ST8SIA6: variants seen among roughly 807,000 people sequenced by gnomAD.
ST8SIA6 encodes ST8 alpha-N-acetyl-neuraminide alpha-2,8-sialyltransferase 6, also known as alpha-2,8-sialyltransferase 8F.
A neutral mutation model predicts 33.6 loss-of-function variants in ST8SIA6; 39 were observed. That is an observed-to-expected ratio of 1.16 (90% CI 0.90 to 1.52). The LOEUF is 1.52. Among genes scored for constraint, ST8SIA6 ranks in the 40% most tolerant of loss-of-function variants. The pLI, the probability that ST8SIA6 is intolerant of heterozygous loss-of-function variation, is 0.00. For missense variants in ST8SIA6, 441 were observed against 443.8 expected (o/e 0.99, Z 0.06); for synonymous variants, 172 against 167.2 (o/e 1.03, Z -0.22).
At chr10:17,355,488 C>T (rs183786589) in intron 4 of ST8SIA6, among the ~76,000 whole-genome samples, 23 of 152,248 alleles carry the variant, frequency 1.5e-4, no homozygotes, top group Admixed American at 3.3e-4. Context: ...AAGATAATGC[C>T]ATGTCCCCAA....
At chr10:17,439,407 G>A (rs927055307) in intron 2 of ST8SIA6, among the ~76,000 whole-genome samples, 2 of 151,722 alleles carry the variant, frequency 1.3e-5, no homozygotes, top group African/African-American at 2.4e-5. Flanking sequence ...AGCCTCCCAA[G>A]TAGCTGGAAT....
At chr10:17,373,084 T>TA (rs1849787292) in intron 3 of ST8SIA6, among the ~76,000 whole-genome samples, 1 of 152,214 alleles carries the variant, frequency 6.6e-6, no homozygotes, top group Non-Finnish European at 1.5e-5. Flanking sequence ...ACACTCTTTC[T>TA]AAACTCCCTA....
intron 2 of ST8SIA6, among the ~76,000 whole-genome samples, chr10:17,394,703 T>A (rs1393506885): frequency 6.6e-6 from 1 of 152,200 alleles, no homozygotes; most frequent in Non-Finnish European, 1.5e-5. Flanking sequence ...AGAGACCTTC[T>A]CAATTCTGGG....
chr10:17,315,510 T>C lies in ST8SIA6; in HGVS notation c.*5368A>G, dbSNP rs1488203852. 1.3e-5 allele frequency among the ~76,000 whole-genome samples: 2 copies of C among 151,910 alleles called. No homozygotes were observed. Among genetic ancestry groups the C allele is most frequent in the African/African-American group, 2.4e-5 (1 of 41,416 alleles). ...AAATGAGCAGATAAGCCAACTGTGG[T>C]CCATCCATATAACATAATTCTACTC... On this transcript the variant is annotated 3_prime_UTR_variant, in exon 8 of 8. Coordinates refer to ENST00000377602, the MANE Select transcript of ST8SIA6 (RefSeq NM_001004470.3).
At chr10:17,345,570 A>AAC (rs555892791) in intron 4 of ST8SIA6, among the ~76,000 whole-genome samples, 1 of 151,878 alleles carries the variant, frequency 6.6e-6, no homozygotes, top group African/African-American at 2.4e-5. Flanking sequence ...AAGCCTGGAG[A>AAC]AGAGAGAGAG....
intron 2 of ST8SIA6, among the ~76,000 whole-genome samples, chr10:17,407,440 C>T (rs1248953258): frequency 2.6e-5 from 4 of 152,148 alleles, no homozygotes; most frequent in African/African-American, 9.7e-5. Flanking sequence ...TAAGAAGAGC[C>T]GTGAGCCCAG....
Position 17,320,999 on chromosome 10 carries a change from T to C in ST8SIA6, c.1076A>G (p.Tyr359Cys). 1.9e-6 allele frequency: 3 copies of C among 1,614,096 alleles called. No homozygotes were observed. The highest frequency in any genetic ancestry group is 1.7e-6 in the Non-Finnish European group (2 of 1,179,968). ...ATGTTTAGGTAGCTTGTTGTCATAA[T>C]AGTGATGGCTGACAGGTATGTCTTC... The part of the protein sequence containing the change: ...TVEDIPVSHH[Y>C]YDNKLPKHGF... The change falls in exon 8 of 8, where the codon TAT (tyrosine) becomes TGT (cysteine). Residue 359 changes from tyrosine (Y) to cysteine (C), a missense_variant. Transcript: ENST00000377602.
intron 4 of ST8SIA6, among the ~76,000 whole-genome samples, chr10:17,340,366 G>A (rs369181269): frequency 6.6e-6 from 1 of 152,042 alleles, no homozygotes; most frequent in Admixed American, 6.5e-5. Flanking sequence ...GCTCTGACCT[G>A]TGTCACCTTT....
chr10:17,444,998 A>T (rs1000758421), intron 2 of ST8SIA6, among the ~76,000 whole-genome samples: 2 of 152,226 alleles, frequency 1.3e-5, no homozygotes, highest in African/African-American at 4.8e-5. Context: ...AAAAGCAAAG[A>T]CACAACAGTG....
At chr10:17,328,054 ATAAT>A (rs1281215399) in intron 5 of ST8SIA6, among the ~76,000 whole-genome samples, 2 of 152,194 alleles carry the variant, frequency 1.3e-5, no homozygotes, top group Non-Finnish European at 2.9e-5. Flanking sequence ...TTTTCATCAC[ATAAT>A]TAAGGAAAAA....
In ST8SIA6 at chr10:17,321,320, G is replaced by T. The variant is rs1171999884; in HGVS notation, c.755C>A (p.Ala252Asp). Residue 252 changes from alanine to aspartate, a missense_variant, in exon 8 of 8, where the codon GCC (alanine) becomes GAC (aspartate). Physicochemically the swap from Ala to Asp is moderately radical, Grantham distance 126. Coordinates refer to ENST00000377602, the MANE Select transcript of ST8SIA6 (RefSeq NM_001004470.3). ...LKYGNLKEKK[A>D]LFLEDIATYG... Reference sequence around the variant, plus strand: ...GGTTGCAATGTCCTCCAGAAATAGGGCTTTTTTTTCCTTTAAGTTCCCATA... The same window carrying T: ...GGTTGCAATGTCCTCCAGAAATAGGTCTTTTTTTTCCTTTAAGTTCCCATA... 2 of 1,602,448 alleles carry T rather than the reference G, an allele frequency of 1.2e-6. No homozygotes were observed. Among genetic ancestry groups the T allele is most frequent in the Non-Finnish European group, 1.7e-6 (2 of 1,177,028 alleles).
intron 2 of ST8SIA6, among the ~76,000 whole-genome samples, chr10:17,411,925 T>G (rs1210509390): frequency 2.6e-5 from 4 of 152,054 alleles, no homozygotes; most frequent in African/African-American, 9.7e-5. Context: ...AAGGAATGTT[T>G]TTTTTTTTCT....
chr10:17,394,863 G>A (rs1850750119), intron 2 of ST8SIA6, among the ~76,000 whole-genome samples: 2 of 152,148 alleles, frequency 1.3e-5, no homozygotes, highest in Admixed American at 6.6e-5. Context: ...AATTGATCCA[G>A]GTGAAAGTAG....
intron 2 of ST8SIA6, among the ~76,000 whole-genome samples, chr10:17,453,134 A>G (rs2131754199): frequency 6.6e-6 from 1 of 152,120 alleles, no homozygotes; most frequent in East Asian, 1.9e-4. Flanking sequence ...CATTCCTAGC[A>G]CGCAAAACAA....
At chr10:17,365,854 G>C (rs1403612419) in intron 3 of ST8SIA6, among the ~76,000 whole-genome samples, 1 of 152,186 alleles carries the variant, frequency 6.6e-6, no homozygotes, top group Non-Finnish European at 1.5e-5. Context: ...CATGGTGAAA[G>C]CCAGCCATTT....
At chr10:17,374,201 G>C (rs1849822894) in intron 3 of ST8SIA6, among the ~76,000 whole-genome samples, 1 of 130,520 alleles carries the variant, frequency 7.7e-6, no homozygotes. Context: ...TCTTTAAACT[G>C]AGGGAGTTAA....
chr10:17,369,570 T>C (rs61842084), intron 3 of ST8SIA6, among the ~76,000 whole-genome samples: 2,294 of 152,338 alleles, frequency 0.015, 33 homozygotes, highest in Non-Finnish European at 0.02. Context: ...TGCTTAAGTC[T>C]GGTGGGTTTA....
chr10:17,344,494 C>T (rs146936036), intron 4 of ST8SIA6, among the ~76,000 whole-genome samples: 2 of 152,154 alleles, frequency 1.3e-5, no homozygotes, highest in African/African-American at 4.8e-5. Flanking sequence ...TTACTCACTA[C>T]CATGAGAACA....
Position 17,453,524 on chromosome 10 carries a change from G to A in ST8SIA6, c.200+35C>T, listed in dbSNP as rs561109628. Reference sequence around the variant, plus strand: ...GCCCCATGCCCGGCTCGCAGCTCCCGAGCCCCAGTCCGCCCGCGCTGGGCG... The same window carrying A: ...GCCCCATGCCCGGCTCGCAGCTCCCAAGCCCCAGTCCGCCCGCGCTGGGCG... On this transcript the variant is annotated intron_variant, in intron 2 of 7. Coordinates refer to ENST00000377602, the MANE Select transcript of ST8SIA6 (RefSeq NM_001004470.3). The A allele has an allele frequency of 6.3e-6, 8 of 1,274,410 alleles. No individual in the cohort carries two copies. In the East Asian group the frequency reaches 1.3e-4, roughly 20 times the overall value. 78.9% of individuals were successfully genotyped at this position (1,274,410 alleles called of 1,614,324 possible). A position where few individuals can be genotyped will look rare whatever the true frequency, so the allele number is the denominator to read the frequency against.
Sources: gnomAD v4.1 joint callset for allele counts (sites outside exome capture counted in the v4.1 genomes callset) on GRCh38, gnomAD v4.1.1 for gene constraint, MANE v1.5 for transcripts, NCBI Gene and HGNC (gene_info 2026-07-23, HGNC 2026-07-21) for gene names.